The following FCHO2 variants were observed in gnomAD, a reference collection of about 807,000 sequenced individuals.
The protein encoded by FCHO2 is F-BAR domain only protein 2.
FCHO2 carries 43 observed loss-of-function variants against 114.1 expected under a neutral mutation model. The ratio of observed to expected loss-of-function variants is 0.38; its 90% CI spans 0.30 to 0.49. FCHO2 has a LOEUF of 0.49. FCHO2 is among the 20% of genes least tolerant of loss of function. FCHO2 has a pLI of 0.97. For missense variants in FCHO2, 807 were observed against 950.4 expected (o/e 0.85, Z 1.98); for synonymous variants, 293 against 315.2 (o/e 0.93, Z 0.75).
rs146527678 is a variant in FCHO2, at chr5:72,994,316, G to A, written c.495+3452G>A. On this transcript the variant is annotated intron_variant, in intron 5 of 25. Transcript: ENST00000430046. ...AGAAAAACAACCCTATTAAAAAGTG[G>A]GCAAAGGACATGAACAGACACTTCT... is the stretch of plus-strand genomic sequence containing the variant. 5.9e-3 allele frequency among the ~76,000 whole-genome samples: 892 copies of A among 152,166 alleles called. 3 individuals carry two copies. Among genetic ancestry groups the A allele is most frequent in the Middle Eastern group, 0.044 (13 of 294 alleles).
chr5:72,980,359 C>T (rs1753136348), intron 2 of FCHO2, among the ~76,000 whole-genome samples: 1 of 152,116 alleles, frequency 6.6e-6, no homozygotes. Flanking sequence ...GAGTGTTTTA[C>T]TTCCAATTAT....
At chr5:73,029,547 C>T (rs1044624713) in intron 8 of FCHO2, among the ~76,000 whole-genome samples, 16 of 152,086 alleles carry the variant, frequency 1.1e-4, no homozygotes, top group African/African-American at 3.6e-4. Context: ...TTCGTCCATT[C>T]TAGTGTTGCT....
chr5:73,010,062 T>C (rs1754923215), intron 6 of FCHO2, among the ~76,000 whole-genome samples: 1 of 152,144 alleles, frequency 6.6e-6, no homozygotes. Flanking sequence ...TTTGGGTTAG[T>C]TTAGAAGGGA....
At chr5:73,015,356 A>G (rs1419451317) in intron 6 of FCHO2, among the ~76,000 whole-genome samples, 2 of 150,874 alleles carry the variant, frequency 1.3e-5, no homozygotes, top group Non-Finnish European at 3.0e-5. Flanking sequence ...TCTGCCTCCC[A>G]GGTTCAAATG....
chr5:72,997,547 A>G, intron 5 of FCHO2: 6 of 1,314,664 alleles, frequency 4.6e-6, no homozygotes, highest in Middle Eastern at 2.0e-4. Flanking sequence ...CAGTGACACA[A>G]CCCTTCTCAA....
At position 72,956,046 on chromosome 5, in the gene FCHO2, T is replaced by C. The variant is rs1751508382; in HGVS notation, c.-51T>C. On this transcript the variant is annotated 5_prime_UTR_variant, in exon 1 of 26. Coordinates refer to ENST00000430046, the MANE Select transcript of FCHO2 (RefSeq NM_138782.3). ...GGTGCTGTGGGGGCCGGGCCGTGTT[T>C]ACACAGCGGCGGGCGGGCGCGGACG... is the stretch of plus-strand genomic sequence containing the variant. The C allele has an allele frequency of 1.3e-6, 2 of 1,536,560 alleles. No individual in the cohort carries two copies. Among genetic ancestry groups the C allele is most frequent in the Non-Finnish European group, 1.8e-6 (2 of 1,140,652 alleles).
intron 11 of FCHO2, among the ~76,000 whole-genome samples, chr5:73,050,821 GACAC>G: frequency 6.6e-6 from 1 of 152,184 alleles, no homozygotes; most frequent in South Asian, 2.1e-4. Context: ...CCTCTCTCAT[GACAC>G]ACATGGTGTC....
At chr5:72,995,541 C>A (rs965283337) in intron 5 of FCHO2, among the ~76,000 whole-genome samples, 9 of 152,124 alleles carry the variant, frequency 5.9e-5, no homozygotes, top group Admixed American at 2.6e-4. Context: ...AGCCACCATG[C>A]CTGGCTTGAA....
chr5:73,027,853 C>T (rs1440941148), intron 8 of FCHO2, among the ~76,000 whole-genome samples: 1 of 151,962 alleles, frequency 6.6e-6, no homozygotes, highest in Admixed American at 6.6e-5. Flanking sequence ...CAGATTAAAA[C>T]CACAAGAAAA....
rs879243964 is a variant in FCHO2, at chr5:73,076,466, C to A, written c.1692-872C>A. 2.6e-5 allele frequency among the ~76,000 whole-genome samples: 4 copies of A among 152,182 alleles called. No individual in the cohort carries two copies. In the South Asian group the frequency reaches 8.3e-4, roughly 32 times the overall value. On this transcript the variant is annotated intron_variant, in intron 20 of 25. Coordinates refer to ENST00000430046, the MANE Select transcript of FCHO2 (RefSeq NM_138782.3). ...TTTTAAAAGATGATATATATTTCAG[C>A]ATGTCTGCCTGCTGATGGGAAAGAT... is the stretch of plus-strand genomic sequence containing the variant.
chr5:72,968,145 C>G (rs921299142), intron 1 of FCHO2, among the ~76,000 whole-genome samples: 2 of 150,636 alleles, frequency 1.3e-5, no homozygotes, highest in African/African-American at 4.9e-5. Flanking sequence ...AGGATAGTCT[C>G]GACCTCCTGA....
At chr5:73,030,350 G>T (rs1756172642) in intron 8 of FCHO2, among the ~76,000 whole-genome samples, 1 of 152,084 alleles carries the variant, frequency 6.6e-6, no homozygotes, top group Non-Finnish European at 1.5e-5. Flanking sequence ...CCAAGAAATT[G>T]ATTTCATTGG....
At chr5:73,085,484 A>G (rs1743265897) in intron 24 of FCHO2, among the ~76,000 whole-genome samples, 1 of 151,934 alleles carries the variant, frequency 6.6e-6, no homozygotes, top group Non-Finnish European at 1.5e-5. Context: ...CTTTGAAAAG[A>G]ATATCCAAGG....
intron 8 of FCHO2, among the ~76,000 whole-genome samples, chr5:73,017,752 T>C (rs1755384294): frequency 6.6e-6 from 1 of 152,162 alleles, no homozygotes; most frequent in Non-Finnish European, 1.5e-5. Flanking sequence ...ATAACTTCTT[T>C]CTTTTCTCAT....
intron 1 of FCHO2, among the ~76,000 whole-genome samples, chr5:72,965,180 C>T (rs1434778832): frequency 1.3e-5 from 2 of 151,980 alleles, no homozygotes; most frequent in Non-Finnish European, 2.9e-5. Context: ...TTGAACGTCC[C>T]GTATACCTGT....
At chr5:72,994,574 C>T (rs1753977789) in intron 5 of FCHO2, among the ~76,000 whole-genome samples, 2 of 152,062 alleles carry the variant, frequency 1.3e-5, no homozygotes, top group Admixed American at 6.6e-5. Context: ...CAGTGTGTGG[C>T]GATTCTTCAA....
At chr5:72,965,103 C>T (rs564058623) in intron 1 of FCHO2, among the ~76,000 whole-genome samples, 2 of 151,876 alleles carry the variant, frequency 1.3e-5, no homozygotes, top group Admixed American at 6.6e-5. Flanking sequence ...TGAAACATAT[C>T]CCCTGTGGAG....
chr5:73,014,379 C>T (rs1329188091), intron 6 of FCHO2, among the ~76,000 whole-genome samples: 1 of 150,950 alleles, frequency 6.6e-6, no homozygotes, highest in East Asian at 2.0e-4. Context: ...ACCCCTGCCT[C>T]CCGGGTTCAA....
At chr5:73,005,544 T>C (rs1482931181) in intron 5 of FCHO2, among the ~76,000 whole-genome samples, 1 of 152,220 alleles carries the variant, frequency 6.6e-6, no homozygotes, top group East Asian at 1.9e-4. Flanking sequence ...AGCTTGTCTT[T>C]CTTTGATCTC....
Sources: allele counts gnomAD v4.1 joint callset (sites outside exome capture counted in the v4.1 genomes callset), GRCh38; gene constraint gnomAD v4.1.1; transcripts MANE v1.5; gene names NCBI Gene and HGNC (gene_info 2026-07-23, HGNC 2026-07-21).